The following PFAS variants were observed in gnomAD, a reference collection of about 807,000 sequenced individuals.
The protein encoded by PFAS is FGAM synthase.
In PFAS, 97 loss-of-function variants were observed where a neutral mutation model predicts 140.6. The ratio of observed to expected loss-of-function variants is 0.69; its 90% confidence interval spans 0.59 to 0.82. The LOEUF (loss-of-function observed/expected upper bound fraction) is 0.82. Ranked by LOEUF, PFAS falls within the 40% of genes least tolerant of loss-of-function variation. PFAS has a pLI of 0.00. For missense variants in PFAS, 1,656 were observed against 1,780.2 expected (o/e 0.93, Z 1.26); for synonymous variants, 679 against 718.8 (o/e 0.94, Z 0.88).
At chr17:8,254,794 ACT>A (rs1458381244) in intron 3 of PFAS, among the ~76,000 whole-genome samples, 1 of 152,126 alleles carries the variant, frequency 6.6e-6, no homozygotes, top group Non-Finnish European at 1.5e-5. Flanking sequence ...ACAGAGCAAG[ACT>A]CTGCCTCACA....
chr17:8,260,273 C>T (rs186799571), intron 11 of PFAS, among the ~76,000 whole-genome samples: 2 of 152,220 alleles, frequency 1.3e-5, no homozygotes, highest in East Asian at 3.8e-4. Context: ...CAGCGTGCCA[C>T]GATGCCACTA....
Position 8,268,747 on chromosome 17 carries a change from T to A in PFAS, c.3597T>A (p.Ser1199=), listed in dbSNP as rs1038078518. The A allele has an allele frequency of 6.2e-7, 1 of 1,612,340 alleles. No homozygotes were observed. The highest frequency in any genetic ancestry group is 1.1e-5 in the South Asian group (1 of 91,086). ...GCCTTCTGCTACGCCACAACCTGTC[T>A]GGGCGCTACGAGTCTCGCTGGGCCA... is the stretch of plus-strand genomic sequence containing the variant. ...RPGLLLRHNL[S]GRYESRWASV... is the part of the protein sequence containing the mutation. Residue 1199 remains serine, a synonymous_variant, in exon 27 of 28, where the codon TCT becomes TCA. Coordinates refer to ENST00000314666, the MANE Select transcript of PFAS (RefSeq NM_012393.3).
rs1000371072 is a variant in PFAS at position 8,270,166 on chromosome 17, C to T, written c.*902C>T. 5 of 152,338 alleles carry T rather than the reference C, an allele frequency of 3.3e-5. No individual in the cohort carries two copies. The highest frequency in any genetic ancestry group is 1.2e-4 in the African/African-American group (5 of 41,572). 9.4% of individuals were successfully genotyped at this position (152,338 alleles called of 1,614,324 possible). ...GTGCTGGGATTACAGGTGGGAGCCACTACAGCTGGCCCAGCAGCTCTGTTT... is the reference window on the plus strand; with the variant it reads ...GTGCTGGGATTACAGGTGGGAGCCATTACAGCTGGCCCAGCAGCTCTGTTT... On this transcript the variant is annotated 3_prime_UTR_variant, in exon 28 of 28. Coordinates refer to ENST00000314666, the MANE Select transcript of PFAS (RefSeq NM_012393.3).
At position 8,263,095 on chromosome 17, in the gene PFAS, A is replaced by G. The variant is rs546880418; in HGVS notation, c.1411-14A>G. ...CAGTCTCGCTGAGCTGAGCTATGCC[A>G]TATATGCCCCCAGGTGCAGGGAGAT... On this transcript the variant is annotated splice_polypyrimidine_tract_variant and intron_variant, in intron 12 of 27. Transcript: ENST00000314666. The G allele has an allele frequency of 1.2e-5, 19 of 1,613,840 alleles. No homozygotes were observed. In the East Asian group the frequency reaches 3.3e-4, roughly 28 times the overall value.
rs73247054 is a variant in PFAS at position 8,263,300 on chromosome 17, G to T, written c.1567+35G>T. The T allele has an allele frequency of 3.8e-3, 6,066 of 1,610,720 alleles. 204 individuals are homozygous for T. The African/African-American group carries it at 0.072, about 19-fold the overall frequency. On this transcript the variant is annotated intron_variant, in intron 13 of 27. Transcript: ENST00000314666. ...GGAGTTGGAACAAGAGACTGGGCCT[G>T]CCTGGTATCCTGCCAGGTTTCGTTT...
Position 8,265,360 on chromosome 17 carries a change from T to C in PFAS, c.2353T>C (p.Cys785Arg). Residue 785 changes from cysteine to arginine, a missense_variant, in exon 19 of 28, where the codon TGT (cysteine) becomes CGT (arginine). By Grantham distance (180) the Cys-to-Arg change is radical (BLOSUM62 -3). Transcript: ENST00000314666. ...GGAGGGCGCAGCTTTGGCGGATGCC[T>C]GTGAGGCTATGGTGGCAGTGATGGC... ...PGEGAALADACEAMVAVMAAL... is the reference protein window; with the variant it reads ...PGEGAALADAREAMVAVMAAL... 1.2e-6 allele frequency: 2 copies of C among 1,614,168 alleles called. No homozygotes were observed. Among genetic ancestry groups the C allele is most frequent in the Non-Finnish European group, 1.7e-6 (2 of 1,180,024 alleles).
Position 8,267,252 on chromosome 17 carries a change from A to G in PFAS, c.3175+17A>G, listed in dbSNP as rs369913362. 1.1e-5 allele frequency: 18 copies of G among 1,602,918 alleles called. No individual in the cohort carries two copies. Among genetic ancestry groups the G allele is most frequent in the Non-Finnish European group, 1.5e-5 (17 of 1,171,592 alleles). ...GTGAGCCTGGTGAGGGAGTGTGTGC[A>G]GAGGCTCCGCGTCCTGGGGGCACTG... On this transcript the variant is annotated intron_variant, in intron 24 of 27. Coordinates refer to ENST00000314666, the MANE Select transcript of PFAS (RefSeq NM_012393.3). This position sits in a 1 kb window ranked among gnomAD's most constrained non-coding sequence, Gnocchi z 4.9.
chr17:8,263,459 C>A (rs754678756), intron 13 of PFAS, 116 bp from the exon 14 acceptor site: 2 of 1,044,224 alleles, frequency 1.9e-6, no homozygotes, highest in Admixed American at 1.8e-5. Context: ...GGTAAGGGTG[C>A]GGCAGCAGTT....
At chr17:8,249,732 T>C (rs1989070955) in intron 1 of PFAS, among the ~76,000 whole-genome samples, 1 of 152,184 alleles carries the variant, frequency 6.6e-6, no homozygotes, top group South Asian at 2.1e-4. Flanking sequence ...ATAAACAAAA[T>C]GCCTTCAGGA....
Position 8,269,389 on chromosome 17 carries a change from A to G in PFAS, c.*125A>G. 1.5e-6 allele frequency: 1 copy of G among 667,726 alleles called. No homozygotes were observed. The highest frequency in any genetic ancestry group is 2.6e-6 in the Non-Finnish European group (1 of 389,722). The allele number at this position is 667,726 out of a possible 1,614,324, so 41.4% of individuals were successfully genotyped here. ...ATATCTTGGACAGACAAGGACCAAA[A>G]TGCCAAAATCTCAGCGGACTCGATA... On this transcript the variant is annotated 3_prime_UTR_variant, in exon 28 of 28. Transcript: ENST00000314666.
intron 13 of PFAS, 113 bp from the exon 14 acceptor site, chr17:8,263,462 C>A: frequency 9.5e-7 from 1 of 1,057,642 alleles, no homozygotes; most frequent in Non-Finnish European, 1.5e-6. Context: ...AAGGGTGCGG[C>A]AGCAGTTGAC....
At position 8,269,302 on chromosome 17, in the gene PFAS, A is replaced by G. The variant is rs114510292; in HGVS notation, c.*38A>G. The G allele has an allele frequency of 1.0e-3, 1,525 of 1,487,114 alleles. 12 individuals carry two copies. In the African/African-American group the frequency reaches 0.019, roughly 19 times the overall value. 92.1% of individuals were successfully genotyped at this position (1,487,114 alleles called of 1,614,324 possible). ...GCTCACCTGGGCCCCATGGCTTTTC[A>G]CCTAAGTGGGTCCTGCCCCCTCCCC... On this transcript the variant is annotated 3_prime_UTR_variant, in exon 28 of 28. Coordinates refer to ENST00000314666, the MANE Select transcript of PFAS (RefSeq NM_012393.3).
chr17:8,247,919 G>A (rs1988901514), upstream of PFAS: 2 of 1,434,562 alleles, frequency 1.4e-6, no homozygotes, highest in African/African-American at 2.8e-5. Flanking sequence ...CGAGCCCAGA[G>A]AGACAAGGCA....
chr17:8,269,186 A>T lies in PFAS; in HGVS notation c.3939A>T (p.Pro1313=). 1 of 1,613,648 alleles carries T rather than the reference A, an allele frequency of 6.2e-7. No homozygotes were observed. Among genetic ancestry groups the T allele is most frequent in the African/African-American group, 1.3e-5 (1 of 75,034 alleles). ...GGCAGTGGGCATGGCGACCCCCTCC[A>T]TTTGATACTCTGACCACCTCCCCCT... is the stretch of plus-strand genomic sequence containing the variant. ...RPWQWAWRPP[P]FDTLTTSPWL... The change falls in exon 28 of 28, where the codon CCA becomes CCT. Residue 1313 remains proline (P), a synonymous_variant. Transcript: ENST00000314666.
rs775691559 is a variant in PFAS at position 8,265,985 on chromosome 17, G to A, written c.2669G>A (p.Arg890Gln). The change falls in exon 21 of 28, where the codon CGG becomes CAG. Residue 890 changes from arginine (R) to glutamine (Q), a missense_variant. Arg to Gln is a conservative substitution (Grantham distance 43). Transcript: ENST00000314666. ...CTGGACCTTCCTGAGAACTTGGTGCGGGCCTTCAGCATCACTCAGGGGCTG... is the reference window on the plus strand; with the variant it reads ...CTGGACCTTCCTGAGAACTTGGTGCAGGCCTTCAGCATCACTCAGGGGCTG... The part of the protein sequence containing the change: ...PDLDLPENLV[R>Q]AFSITQGLLK... 3.7e-6 allele frequency: 6 copies of A among 1,612,372 alleles called. No homozygotes were observed. The highest frequency in any genetic ancestry group is 1.3e-5 in the African/African-American group (1 of 74,890).
In PFAS at chr17:8,266,256, C is replaced by T. The variant is rs772931704; in HGVS notation, c.2724C>T (p.His908=). ...LLKDRLLCSG[H]DVSDGGLVTC... ...CAGACCGCCTCCTCTGCTCAGGCCA[C>T]GATGTCAGTGACGGAGGCCTCGTCA... is the stretch of plus-strand genomic sequence containing the variant. The change falls in exon 22 of 28, where the codon CAC becomes CAT. Residue 908 remains histidine (H), a synonymous_variant. Transcript: ENST00000314666. The surrounding 1 kb of genome is among the most constrained non-coding windows in gnomAD (Gnocchi z 5.0). 1.4e-5 allele frequency: 22 copies of T among 1,614,066 alleles called. No homozygotes were observed. The East Asian group carries it at 2.0e-4, about 15-fold the overall frequency.
upstream of PFAS, chr17:8,247,937 T>C (rs377393272): frequency 7.3e-6 from 11 of 1,516,350 alleles, no homozygotes; most frequent in African/African-American, 2.8e-5. Flanking sequence ...GCAGAGGAAA[T>C]AGGAAGAGAA....
chr17:8,253,239 C>T (rs1989228323), intron 1 of PFAS, among the ~76,000 whole-genome samples: 1 of 152,048 alleles, frequency 6.6e-6, no homozygotes, highest in Non-Finnish European at 1.5e-5. Context: ...AAATATAAAC[C>T]CTGTGAGAGC....
At chr17:8,264,162 C>G (rs1156456960) in intron 15 of PFAS, 50 bp from the exon 16 acceptor site, 1 of 1,605,764 alleles carries the variant, frequency 6.2e-7, no homozygotes, top group Non-Finnish European at 8.5e-7. Context: ...ACATTCCTTG[C>G]TGGTGTTCAT....
Sources: allele counts gnomAD v4.1 joint callset (sites outside exome capture counted in the v4.1 genomes callset), GRCh38; gene constraint gnomAD v4.1.1; non-coding constraint Gnocchi (gnomAD v3.1); transcripts MANE v1.5; gene names NCBI Gene and HGNC (gene_info 2026-07-23, HGNC 2026-07-21).